TXLNB: variants seen among roughly 807,000 people sequenced by gnomAD.
TXLNB encodes beta-taxilin.
A neutral mutation model predicts 57.4 loss-of-function variants in TXLNB; 37 were observed. That is an observed-to-expected ratio of 0.64 (90% CI 0.50 to 0.85). The LOEUF (loss-of-function observed/expected upper bound fraction) is 0.85. TXLNB is among the 40% of genes least tolerant of loss of function. The probability of loss-of-function intolerance (pLI) is 0.00; values close to 1 mark genes in which losing one functional copy is unlikely to be tolerated. For synonymous variants in TXLNB, 302 were observed against 309.6 expected (o/e 0.98, Z 0.26); for missense variants, 848 against 825.6 (o/e 1.03, Z -0.33).
At chr6:139,261,699 C>T (rs116841709) in intron 5 of TXLNB, among the ~76,000 whole-genome samples, 295 of 152,182 alleles carry the variant, frequency 1.9e-3, no homozygotes, top group Non-Finnish European at 3.0e-3. Flanking sequence ...GCTTCTGCTT[C>T]TCATCTATAA....
At chr6:139,169,428 C>T in the TXLNB span, among the ~76,000 whole-genome samples, 2 of 152,044 alleles carry the variant, frequency 1.3e-5, no homozygotes, top group African/African-American at 4.8e-5. Context: ...TAATAGCATT[C>T]TCTTCTTGTT....
At chr6:139,233,871 C>T in the TXLNB span, among the ~76,000 whole-genome samples, 81 of 152,216 alleles carry the variant, frequency 5.3e-4, no homozygotes, top group African/African-American at 1.9e-3. Context: ...GAGGTTGAAA[C>T]AGTTTGGAGG....
intron 7 of TXLNB, among the ~76,000 whole-genome samples, chr6:139,250,880 G>A (rs1439137495): frequency 6.6e-6 from 1 of 152,164 alleles, no homozygotes; most frequent in East Asian, 1.9e-4. Context: ...AGGTTTGATT[G>A]TCTTCACTTA....
intron 3 of TXLNB, among the ~76,000 whole-genome samples, chr6:139,274,913 C>T (rs57203037): frequency 0.066 from 10,089 of 152,064 alleles, 1,040 homozygotes; most frequent in African/African-American, 0.22. Flanking sequence ...CGCATGGAAA[C>T]GTGAGAGTGG....
At chr6:139,217,700 C>A in the TXLNB span, among the ~76,000 whole-genome samples, 1 of 151,588 alleles carries the variant, frequency 6.6e-6, no homozygotes. Flanking sequence ...AACCCTGTTT[C>A]TACTAAAAAA....
chr6:139,297,055 G>T, the TXLNB span, among the ~76,000 whole-genome samples: 1 of 151,970 alleles, frequency 6.6e-6, no homozygotes, highest in Non-Finnish European at 1.5e-5. Flanking sequence ...GCCCCTCACT[G>T]CTTGCCTGTC....
the TXLNB span, among the ~76,000 whole-genome samples, chr6:139,212,138 A>G: frequency 2.0e-5 from 3 of 151,830 alleles, 1 homozygote; most frequent in South Asian, 6.2e-4. Context: ...CACCACAAAG[A>G]TACTCCTCGA....
At chr6:139,302,250 TAGTA>T in the TXLNB span, among the ~76,000 whole-genome samples, 2 of 151,366 alleles carry the variant, frequency 1.3e-5, no homozygotes, top group African/African-American at 2.4e-5. Flanking sequence ...AGTTTTGTGT[TAGTA>T]AGAGGAAAAT....
At chr6:139,259,242 T>C (rs1318832123) in intron 6 of TXLNB, among the ~76,000 whole-genome samples, 2 of 152,318 alleles carry the variant, frequency 1.3e-5, no homozygotes, top group East Asian at 1.9e-4. Context: ...TCTTAGAAAA[T>C]GCAGAGCAGA....
chr6:139,168,025 A>G, the TXLNB span, among the ~76,000 whole-genome samples: 7 of 152,218 alleles, frequency 4.6e-5, no homozygotes, highest in South Asian at 6.2e-4. Flanking sequence ...TTTACACTTT[A>G]AATGTGTGCT....
At chr6:139,280,251 T>TA (rs11313271) in intron 2 of TXLNB, among the ~76,000 whole-genome samples, 52 of 78,214 alleles carry the variant, frequency 6.6e-4, no homozygotes, top group East Asian at 1.6e-3. Flanking sequence ...ACTCTCTCTC[T>TA]AAAAAAAAAA....
upstream of TXLNB, among the ~76,000 whole-genome samples, chr6:139,294,937 C>T (rs1311292729): frequency 2.6e-5 from 4 of 151,648 alleles, no homozygotes; most frequent in Admixed American, 6.6e-5. Flanking sequence ...TGCAGTGAGC[C>T]GAGATTGTGC....
intron 4 of TXLNB, among the ~76,000 whole-genome samples, chr6:139,270,120 A>T (rs1173587247): frequency 6.6e-6 from 1 of 152,214 alleles, no homozygotes; most frequent in East Asian, 1.9e-4. Context: ...GGCCCACCTT[A>T]GAAACAAACT....
At chr6:139,301,963 A>C in the TXLNB span, among the ~76,000 whole-genome samples, 1 of 152,192 alleles carries the variant, frequency 6.6e-6, no homozygotes, top group Non-Finnish European at 1.5e-5. Flanking sequence ...AAAAAATTTA[A>C]ATTCAGAGAT....
chr6:139,180,032 T>C, the TXLNB span: 1 of 152,202 alleles, frequency 6.6e-6, no homozygotes, highest in African/African-American at 2.4e-5. Flanking sequence ...CTCTTCATTC[T>C]CTTGTTACAT....
At chr6:139,265,349 T>C (rs1776588671) in intron 4 of TXLNB, among the ~76,000 whole-genome samples, 1 of 152,250 alleles carries the variant, frequency 6.6e-6, no homozygotes, top group South Asian at 2.1e-4. Context: ...TGAATATATG[T>C]ATGATTTTGT....
chr6:139,165,110 T>C, the TXLNB span, among the ~76,000 whole-genome samples: 1 of 152,224 alleles, frequency 6.6e-6, no homozygotes, highest in African/African-American at 2.4e-5. Flanking sequence ...AAAAAATCTC[T>C]ATAAGGTAGC....
At chr6:139,307,567 C>T in the TXLNB span, among the ~76,000 whole-genome samples, 3 of 152,290 alleles carry the variant, frequency 2.0e-5, no homozygotes, top group African/African-American at 7.2e-5. Flanking sequence ...GTAACATATT[C>T]AGGTGAGCTT....
rs1009867417 is a variant in TXLNB at position 139,283,885 on chromosome 6, A to G, written c.424+4591T>C. 6.2e-5 allele frequency among the ~76,000 whole-genome samples: 9 copies of G among 146,112 alleles called. 1 individual carries two copies. Among genetic ancestry groups the G allele is most frequent in the African/African-American group, 2.3e-4 (9 of 39,680 alleles). ...TCAAGTACATAAGCAAAATCTAAGA[A>G]TATATCTTCAGATATGGGTTGAATG... On this transcript the variant is annotated intron_variant, in intron 2 of 9. Coordinates refer to ENST00000358430, the MANE Select transcript of TXLNB (RefSeq NM_153235.4).
Sources: allele counts gnomAD v4.1 joint callset (sites outside exome capture counted in the v4.1 genomes callset), GRCh38; gene constraint gnomAD v4.1.1; transcripts MANE v1.5; gene names NCBI Gene and HGNC (gene_info 2026-07-23, HGNC 2026-07-21).